Variants in ITGA1 observed in about 807,000 individuals in gnomAD.
The protein encoded by ITGA1 is integrin alpha-1.
ITGA1 carries 85 observed loss-of-function variants against 145.9 expected under a neutral mutation model. The observed-to-expected ratio is 0.58, with a 90% confidence interval of 0.49 to 0.70. ITGA1 has a LOEUF of 0.70. ITGA1 is among the 30% of genes least tolerant of loss of function. The pLI is 0.00. For missense variants in ITGA1, 1,351 were observed against 1,418.7 expected (o/e 0.95, Z 0.77); for synonymous variants, 520 against 495.3 (o/e 1.05, Z -0.66).
chr5:52,915,988 C>G (rs893730131), intron 15 of ITGA1, among the ~76,000 whole-genome samples: 9 of 152,150 alleles, frequency 5.9e-5, no homozygotes, highest in African/African-American at 2.2e-4. Flanking sequence ...AACAGATAAT[C>G]GCGTAGCACT....
At chr5:52,857,023 A>G (rs780745163) in intron 2 of ITGA1, among the ~76,000 whole-genome samples, 36 of 152,178 alleles carry the variant, frequency 2.4e-4, no homozygotes, top group Non-Finnish European at 5.9e-5. Flanking sequence ...TGATGTTCTC[A>G]GCTTTCAAAA....
At position 52,849,362 on chromosome 5, in the gene ITGA1, A is replaced by C. The variant is rs764756563; in HGVS notation, c.62-3A>C. The C allele has an allele frequency of 2.4e-5, 39 of 1,595,156 alleles. No individual in the cohort carries two copies. The highest frequency in any genetic ancestry group is 3.8e-4 in the Middle Eastern group (2 of 5,226). On this transcript the variant is annotated splice_polypyrimidine_tract_variant and splice_region_variant and intron_variant, in intron 1 of 28. Transcript: ENST00000282588. ...GTAACTGGATTTTGTTTTTCTCCTA[A>C]AGTTGTTCTACGCTGCTGCGTATCA...
Position 52,853,724 on chromosome 5 carries a change from C to T in ITGA1, c.182+4239C>T, listed in dbSNP as rs114656158. Reference sequence around the variant, plus strand: ...CAGAAGCCACATGCTTTCTCAGTAGCAGAACACATCATACATCTGATTAAG... The same window carrying T: ...CAGAAGCCACATGCTTTCTCAGTAGTAGAACACATCATACATCTGATTAAG... On this transcript the variant is annotated intron_variant, in intron 2 of 28. Coordinates refer to ENST00000282588, the MANE Select transcript of ITGA1 (RefSeq NM_181501.2). Among the ~76,000 whole-genome samples the T allele has an allele frequency of 9.5e-3, 1,441 of 152,292 alleles. 10 individuals are homozygous for T. The highest frequency in any genetic ancestry group is 0.015 in the Non-Finnish European group (1,027 of 68,030).
Position 52,915,515 on chromosome 5 carries a change from A to G in ITGA1, c.1909A>G (p.Ile637Val), listed in dbSNP as rs371548547. The G allele has an allele frequency of 3.1e-6, 5 of 1,613,950 alleles. No individual in the cohort carries two copies. The highest frequency in any genetic ancestry group is 1.6e-4 in the Middle Eastern group (1 of 6,084). ...GACACTGAAATTTTTTGGCCAGTCT[A>G]TCCACGGAGAAATGGATTTAAATGG... ...GKTLKFFGQS[I>V]HGEMDLNGDG... Residue 637 changes from isoleucine to valine, a missense_variant, in exon 15 of 29, where the codon ATC (isoleucine) becomes GTC (valine). By Grantham distance (29) the Ile-to-Val change is conservative (BLOSUM62 3). Transcript: ENST00000282588.
At chr5:52,825,919 GAAAAA>G (rs33949308) in intron 1 of ITGA1, among the ~76,000 whole-genome samples, 1 of 124,546 alleles carries the variant, frequency 8.0e-6, no homozygotes, top group Admixed American at 7.7e-5. Flanking sequence ...CTCTGTCAAA[GAAAAA>G]AAAAAAAAAA....
At chr5:52,819,000 C>A (rs1748822745) in intron 1 of ITGA1, among the ~76,000 whole-genome samples, 1 of 152,094 alleles carries the variant, frequency 6.6e-6, no homozygotes, top group Admixed American at 6.6e-5. Context: ...CTGTACTATG[C>A]CCTTGGGAAC....
At position 52,849,423 on chromosome 5, in the gene ITGA1, C is replaced by T. The variant is rs768778866; in HGVS notation, c.120C>T (p.Ser40=). Residue 40 remains serine, a synonymous_variant, in exon 2 of 29, where the codon AGC becomes AGT. Transcript: ENST00000282588. Reference sequence around the variant, plus strand: ...ATGTGAAAAATTCAATGACTTTCAGCGGCCCGGTGGAAGACATGTTTGGAT... The same window carrying T: ...ATGTGAAAAATTCAATGACTTTCAGTGGCCCGGTGGAAGACATGTTTGGAT... ...NVDVKNSMTF[S]GPVEDMFGYT... 2.3e-5 allele frequency: 37 copies of T among 1,611,108 alleles called. No individual in the cohort carries two copies. The highest frequency in any genetic ancestry group is 1.2e-4 in the Admixed American group (7 of 59,958).
chr5:52,838,858 A>AGTC (rs2111734808), intron 1 of ITGA1, among the ~76,000 whole-genome samples: 1 of 152,332 alleles, frequency 6.6e-6, no homozygotes, highest in African/African-American at 2.4e-5. Flanking sequence ...GCACTTCAGG[A>AGTC]GGCCGAGGCA....
chr5:52,822,562 C>A (rs1156482337), intron 1 of ITGA1, among the ~76,000 whole-genome samples: 2 of 152,176 alleles, frequency 1.3e-5, no homozygotes, highest in African/African-American at 4.8e-5. Flanking sequence ...ATATGGGACA[C>A]TTAGGTGGCT....
intron 14 of ITGA1, among the ~76,000 whole-genome samples, chr5:52,915,176 A>G (rs915980934): frequency 5.3e-5 from 8 of 152,160 alleles, no homozygotes; most frequent in Non-Finnish European, 1.0e-4. Context: ...CACAGAACCA[A>G]TTACTCATAC....
intron 2 of ITGA1, among the ~76,000 whole-genome samples, chr5:52,853,594 T>C (rs918863770): frequency 1.3e-5 from 2 of 152,190 alleles, no homozygotes; most frequent in African/African-American, 4.8e-5. Context: ...TTGAAAAACA[T>C]AGCTTTAATT....
chr5:52,793,660 G>A (rs1308551790), intron 1 of ITGA1, among the ~76,000 whole-genome samples: 1 of 152,024 alleles, frequency 6.6e-6, no homozygotes, highest in East Asian at 1.9e-4. Context: ...GAAGAGGCTA[G>A]TATGTGAACC....
At chr5:52,791,634 A>C (rs920139067) in intron 1 of ITGA1, among the ~76,000 whole-genome samples, 5 of 152,268 alleles carry the variant, frequency 3.3e-5, no homozygotes, top group African/African-American at 1.2e-4. Context: ...TATTATGTGC[A>C]AGGCACTGTG....
chr5:52,852,764 T>C (rs1177293805), intron 2 of ITGA1, among the ~76,000 whole-genome samples: 1 of 152,170 alleles, frequency 6.6e-6, no homozygotes, highest in African/African-American at 2.4e-5. Flanking sequence ...CCCTGGGCAC[T>C]ACCCCACATC....
At chr5:52,816,630 C>T (rs1163526181) in intron 1 of ITGA1, among the ~76,000 whole-genome samples, 1 of 152,128 alleles carries the variant, frequency 6.6e-6, no homozygotes, top group Non-Finnish European at 1.5e-5. Context: ...CCATACCTCT[C>T]TTAGAGATTG....
chr5:52,948,944 T>G (rs983961718), intron 28 of ITGA1: 1 of 152,224 alleles, frequency 6.6e-6, no homozygotes, highest in African/African-American at 2.4e-5. Context: ...TTCAGTCACC[T>G]ATTTTTCAGT....
chr5:52,868,055 C>T lies in ITGA1; in HGVS notation c.624+2238C>T, dbSNP rs183450441. Among the ~76,000 whole-genome samples the T allele has an allele frequency of 1.0e-3, 158 of 152,172 alleles. 1 individual carries two copies. The highest frequency in any genetic ancestry group is 2.7e-3 in the Admixed American group (41 of 15,274). On this transcript the variant is annotated intron_variant, in intron 6 of 28. Coordinates refer to ENST00000282588, the MANE Select transcript of ITGA1 (RefSeq NM_181501.2). ...TACCTTAAATGAAATGGCTTGTGTT[C>T]CCGCTTTCTCCACTTTTGCCCATGA...
At chr5:52,810,342 G>A (rs1444416696) in intron 1 of ITGA1, among the ~76,000 whole-genome samples, 2 of 152,202 alleles carry the variant, frequency 1.3e-5, no homozygotes, top group African/African-American at 4.8e-5. Flanking sequence ...AAGACCCACC[G>A]GGGTCTTTTC....
chr5:52,821,853 C>A (rs938289005), intron 1 of ITGA1, among the ~76,000 whole-genome samples: 1 of 152,010 alleles, frequency 6.6e-6, no homozygotes, highest in Non-Finnish European at 1.5e-5. Context: ...TGAGTTGTTT[C>A]GACTTTATGT....
Sources: gnomAD v4.1 joint callset for allele counts (sites outside exome capture counted in the v4.1 genomes callset) on GRCh38, gnomAD v4.1.1 for gene constraint, MANE v1.5 for transcripts, NCBI Gene and HGNC (gene_info 2026-07-23, HGNC 2026-07-21) for gene names.